PLSCR1: variants seen among roughly 807,000 people sequenced by gnomAD.
PLSCR1 encodes the protein phospholipid scramblase 1, also known as PL scramblase 1.
In PLSCR1, 17 loss-of-function variants were observed where a neutral mutation model predicts 37.8. The ratio of observed to expected loss-of-function variants is 0.45; its 90% CI spans 0.31 to 0.68. The LOEUF is 0.68. Ranked by LOEUF, PLSCR1 falls within the 30% of genes least tolerant of loss-of-function variation. The pLI is 0.06. For missense variants in PLSCR1, 347 were observed against 380.9 expected, an observed-to-expected ratio of 0.91 and a Z score of 0.74; for synonymous variants, 116 against 125.9, an observed-to-expected ratio of 0.92 and a Z score of 0.53.
chr3:146,516,704 C>G (rs1460748240), intron 8 of PLSCR1: 1 of 211,014 alleles, frequency 4.7e-6, no homozygotes, highest in East Asian at 1.2e-4. Context: ...CTACTTTCAA[C>G]TTCTTCCTCA....
chr3:146,517,334 ACT>A (rs1194766241), intron 7 of PLSCR1, 167 bp from the exon 8 acceptor site: 1 of 361,454 alleles, frequency 2.8e-6, no homozygotes, highest in East Asian at 4.1e-5. Flanking sequence ...TATGAAAAAA[ACT>A]GTTTCATTGT....
chr3:146,539,708 G>C (rs2044312331), intron 1 of PLSCR1, among the ~76,000 whole-genome samples: 1 of 152,204 alleles, frequency 6.6e-6, no homozygotes, highest in East Asian at 1.9e-4. Flanking sequence ...AGATAAGTTA[G>C]TGAGGATGAG....
chr3:146,517,066 C>T lies in PLSCR1; in HGVS notation c.840G>A (p.Gln280=), dbSNP rs61737861. The change falls in exon 8 of 9, where the codon CAG becomes CAA. Residue 280 remains glutamine (Q), a synonymous_variant. Coordinates refer to ENST00000342435, the MANE Select transcript of PLSCR1 (RefSeq NM_021105.3). The part of the protein sequence containing the change: ...AFTDADNFGI[Q]FPLDLDVKMK... ...TTTTAACATCAAGGTCTAAAGGGAA[C>T]TGGATTCCAAAGTTATCAGCGTCTG... 0.067 allele frequency: 107,009 copies of T among 1,602,566 alleles called. 3,851 individuals carry two copies. The highest frequency in any genetic ancestry group is 0.1 in the South Asian group (9,151 of 89,510).
intron 4 of PLSCR1, chr3:146,527,993 GAAC>G (rs2044143029): frequency 6.6e-6 from 1 of 151,970 alleles, no homozygotes; most frequent in African/African-American, 2.4e-5. Flanking sequence ...GTCTTCCAAA[GAAC>G]AAAAGCAGCA....
chr3:146,542,789 A>G (rs2044353491), intron 1 of PLSCR1, among the ~76,000 whole-genome samples: 1 of 152,208 alleles, frequency 6.6e-6, no homozygotes, highest in Non-Finnish European at 1.5e-5. Flanking sequence ...TCCTATATAA[A>G]TATTCACTAA....
intron 5 of PLSCR1, among the ~76,000 whole-genome samples, chr3:146,523,404 T>C (rs2044060267): frequency 6.6e-6 from 1 of 152,222 alleles, no homozygotes; most frequent in Non-Finnish European, 1.5e-5. Flanking sequence ...TGGAGGGGAA[T>C]ATAAGAGGAT....
chr3:146,523,022 C>T (rs1393521649), intron 5 of PLSCR1, among the ~76,000 whole-genome samples: 1 of 152,226 alleles, frequency 6.6e-6, no homozygotes. Flanking sequence ...CTGCCACATC[C>T]CCCTCTCCGG....
chr3:146,533,387 TC>T (rs769127085), intron 3 of PLSCR1, 82 bp downstream of exon 3: 15 of 681,098 alleles, frequency 2.2e-5, no homozygotes, highest in Non-Finnish European at 3.6e-5. Context: ...TCTCTCTCTC[TC>T]TTACTCTCTC....
At chr3:146,523,826 C>A (rs1222610940) in intron 5 of PLSCR1, among the ~76,000 whole-genome samples, 1 of 152,220 alleles carries the variant, frequency 6.6e-6, no homozygotes, top group Non-Finnish European at 1.5e-5. Flanking sequence ...GAAACCTCTC[C>A]ATATTTAAAG....
chr3:146,528,531 T>G (rs2044150928), intron 4 of PLSCR1, 83 bp downstream of exon 4: 2 of 1,078,506 alleles, frequency 1.9e-6, no homozygotes, highest in Non-Finnish European at 2.9e-6. Flanking sequence ...CAGACTTTGG[T>G]GAATTATTCA....
chr3:146,539,344 G>A (rs1576798942), intron 1 of PLSCR1, among the ~76,000 whole-genome samples: 1 of 152,292 alleles, frequency 6.6e-6, no homozygotes, highest in South Asian at 2.1e-4. Context: ...GCGATGGGGA[G>A]CAGCTGTCAA....
At chr3:146,543,062 A>G (rs1016139380) in intron 1 of PLSCR1, among the ~76,000 whole-genome samples, 2 of 152,142 alleles carry the variant, frequency 1.3e-5, no homozygotes, top group Non-Finnish European at 2.9e-5. Context: ...CAACTAGTCT[A>G]TGGAGGTATG....
chr3:146,528,315 G>T, intron 4 of PLSCR1: 1 of 371,430 alleles, frequency 2.7e-6, no homozygotes, highest in Admixed American at 4.1e-5. Context: ...TTTCAATAAG[G>T]ATTAAATGAG....
Position 146,536,527 on chromosome 3 carries a change from A to T in PLSCR1, c.13+13T>A, listed in dbSNP as rs761463623. 2 of 1,289,252 alleles carry T rather than the reference A, an allele frequency of 1.6e-6. No individual in the cohort carries two copies. Among genetic ancestry groups the T allele is most frequent in the Non-Finnish European group, 2.3e-6 (2 of 884,168 alleles). The allele number at this position is 1,289,252 out of a possible 1,614,324, so 79.9% of individuals were successfully genotyped here. ...ATAAGGAGGAAAGTAAACATTTAAA[A>T]TAAATTACTTACTTTGTTTGTCCAT... On this transcript the variant is annotated intron_variant, in intron 2 of 8. Transcript: ENST00000342435.
chr3:146,543,331 C>A (rs978770689), intron 1 of PLSCR1, among the ~76,000 whole-genome samples: 1 of 151,746 alleles, frequency 6.6e-6, no homozygotes, highest in Non-Finnish European at 1.5e-5. Flanking sequence ...ATTTTACATG[C>A]CACTTTTCTA....
At chr3:146,540,065 T>A (rs1368777512) in intron 1 of PLSCR1, among the ~76,000 whole-genome samples, 1 of 152,230 alleles carries the variant, frequency 6.6e-6, no homozygotes, top group East Asian at 1.9e-4. Context: ...TAATTTAGCA[T>A]GATAATTCAT....
At chr3:146,523,087 C>T (rs372065802) in intron 5 of PLSCR1, among the ~76,000 whole-genome samples, 3 of 152,144 alleles carry the variant, frequency 2.0e-5, no homozygotes, top group Admixed American at 6.6e-5. Flanking sequence ...CCGGTGCTGG[C>T]GCGGGTCCTC....
In PLSCR1 at chr3:146,522,043, A is replaced by T. The variant is rs1480703349; in HGVS notation, c.366T>A (p.Gly122=). 1 of 1,560,346 alleles carries T rather than the reference A, an allele frequency of 6.4e-7. No individual in the cohort carries two copies. The highest frequency in any genetic ancestry group is 2.2e-5 in the East Asian group (1 of 44,664). Residue 122 remains glycine, a synonymous_variant, in exon 6 of 9, where the codon GGT becomes GGA. Transcript: ENST00000342435. ...TTTCATATTTGTTATTAGTTTCAAA[A>T]CCTGTTAAAACTAAAAACATAAAAG... ...QQIELLEVLT[G]FETNNKYEIK...
chr3:146,518,187 TGTTAGC>T (rs1477175882), intron 7 of PLSCR1, among the ~76,000 whole-genome samples: 1 of 152,178 alleles, frequency 6.6e-6, no homozygotes, highest in Non-Finnish European at 1.5e-5. Context: ...GAACAACGGG[TGTTAGC>T]AGATATGACA....
Sources: allele counts gnomAD v4.1 joint callset (sites outside exome capture counted in the v4.1 genomes callset), GRCh38; gene constraint gnomAD v4.1.1; transcripts MANE v1.5; gene names NCBI Gene and HGNC (gene_info 2026-07-23, HGNC 2026-07-21).